Variants in PTPRB observed in about 807,000 individuals in gnomAD.
PTPRB encodes receptor-type tyrosine-protein phosphatase beta.
PTPRB carries 97 observed loss-of-function variants against 238.1 expected under a neutral mutation model. The observed-to-expected ratio is 0.41, with a 90% CI of 0.35 to 0.48. The LOEUF is 0.48. Among genes scored for constraint, PTPRB ranks in the 20% least tolerant of loss-of-function variants. The pLI, the probability that PTPRB is intolerant of heterozygous loss-of-function variation, is 0.30. For synonymous variants in PTPRB, 970 were observed against 995.4 expected (o/e 0.97, Z 0.48); for missense variants, 2,292 against 2,681.9 (o/e 0.85, Z 3.21).
intron 3 of PTPRB, among the ~76,000 whole-genome samples, chr12:70,610,278 G>A (rs370976812): frequency 7.2e-5 from 11 of 152,128 alleles, no homozygotes; most frequent in East Asian, 1.9e-4. Flanking sequence ...CGGCTCCGCG[G>A]GGCTCTGCCT....
intron 32 of PTPRB, among the ~76,000 whole-genome samples, chr12:70,524,893 GTGTA>G (rs1565897134): frequency 1.1e-5 from 1 of 94,744 alleles, no homozygotes; most frequent in Non-Finnish European, 2.7e-5. Flanking sequence ...ATGTATATAT[GTGTA>G]TATATGTGTA....
chr12:70,532,396 A>ATAAG (rs1159167674), intron 31 of PTPRB, among the ~76,000 whole-genome samples: 1 of 137,966 alleles, frequency 7.2e-6, no homozygotes, highest in African/African-American at 2.7e-5. Flanking sequence ...TCTACCAGGG[A>ATAAG]TAAGTACTGC....
At chr12:70,591,967 G>T (rs1745885903) in intron 7 of PTPRB, 4 of 348,514 alleles carry the variant, frequency 1.1e-5, no homozygotes, top group Non-Finnish European at 2.1e-5. Flanking sequence ...ATGGTTAAAT[G>T]CTAACTGGTT....
intron 18 of PTPRB, among the ~76,000 whole-genome samples, chr12:70,557,054 C>T (rs1877792214): frequency 6.6e-6 from 1 of 152,178 alleles, no homozygotes; most frequent in Non-Finnish European, 1.5e-5. Context: ...TGTGGTGTGA[C>T]ACACAACTTT....
intron 18 of PTPRB, 175 bp downstream of exon 18, chr12:70,559,168 C>T (rs867461575): frequency 7.4e-6 from 5 of 677,448 alleles, no homozygotes; most frequent in South Asian, 1.8e-5. Flanking sequence ...ATTTATTGTC[C>T]CTTGTTGTTA....
chr12:70,596,507 C>T (rs1883043748), intron 4 of PTPRB, among the ~76,000 whole-genome samples, 180 bp from the exon 5 acceptor site: 1 of 151,508 alleles, frequency 6.6e-6, no homozygotes, highest in African/African-American at 2.4e-5. Flanking sequence ...CAAACCTACC[C>T]TTTCACTTTC....
At chr12:70,596,352 C>CAA (rs754642311) in intron 4 of PTPRB, 25 bp from the exon 5 acceptor site, 12 of 1,196,848 alleles carry the variant, frequency 1.0e-5, no homozygotes, top group Non-Finnish European at 1.0e-5. Flanking sequence ...CACACACACA[C>CAA]ACAAAAAAAA....
intron 3 of PTPRB, chr12:70,609,923 C>A: frequency 4.9e-6 from 5 of 1,023,380 alleles, no homozygotes; most frequent in Non-Finnish European, 6.6e-6. Flanking sequence ...GCCCCGTGGG[C>A]GCAGCGCGCT....
At chr12:70,551,566 G>T (rs1387115509) in intron 21 of PTPRB, among the ~76,000 whole-genome samples, 2 of 151,930 alleles carry the variant, frequency 1.3e-5, no homozygotes, top group Non-Finnish European at 2.9e-5. Context: ...TTTCTACTGA[G>T]ACCTAGGAGT....
intron 27 of PTPRB, 28 bp downstream of exon 27, chr12:70,538,894 CAG>C: frequency 3.9e-6 from 6 of 1,547,092 alleles, no homozygotes; most frequent in Non-Finnish European, 5.3e-6. Flanking sequence ...TAGAGGAAGA[CAG>C]TATTACAAAT....
At position 70,594,692 on chromosome 12, in the gene PTPRB, T is replaced by C. The variant is rs755999644; in HGVS notation, c.1291A>G (p.Thr431Ala). Residue 431 changes from threonine to alanine, a missense_variant, in exon 6 of 34, where the codon ACA becomes GCA. Transcript: ENST00000334414. ...GAAATCAGGAGAGAATTGGCTTTTG[T>C]GGAAATACCAATATCTTTCACTGGA... Reference protein sequence around the residue: ...PSPVKDIGISTKANSLLISWS... With the variant: ...PSPVKDIGISAKANSLLISWS... 6 of 1,613,998 alleles carry C rather than the reference T, an allele frequency of 3.7e-6. No individual in the cohort carries two copies. In the South Asian group the frequency reaches 6.6e-5, roughly 18 times the overall value.
Position 70,596,029 on chromosome 12 carries a change from A to G in PTPRB, c.1258+20T>C, listed in dbSNP as rs1565993867. On this transcript the variant is annotated intron_variant, in intron 5 of 33. Transcript: ENST00000334414. ...AAAGTATCCTATTAACTACTCAGCTATAAAATAAACAGGTCTTACCTGTTG... is the reference window on the plus strand; with the variant it reads ...AAAGTATCCTATTAACTACTCAGCTGTAAAATAAACAGGTCTTACCTGTTG... 1.3e-6 allele frequency: 2 copies of G among 1,539,922 alleles called. No homozygotes were observed. Among genetic ancestry groups the G allele is most frequent in the Non-Finnish European group, 1.8e-6 (2 of 1,135,604 alleles).
intron 2 of PTPRB, among the ~76,000 whole-genome samples, chr12:70,626,300 T>TATCTATCC (rs1252982861): frequency 2.0e-4 from 5 of 25,532 alleles, no homozygotes; most frequent in African/African-American, 8.5e-4. Flanking sequence ...TCCATCCATC[T>TATCTATCC]ATCTATCTAT....
rs1357062357 is a variant in PTPRB at position 70,560,881 on chromosome 12, G to T, written c.4222C>A (p.Leu1408Ile). ...GAGGCTGGACTCCAGTTGAACCAAAGGCTGTCTGTCGTGTTCCGATTGGAC... is the reference window on the plus strand; with the variant it reads ...GAGGCTGGACTCCAGTTGAACCAAATGCTGTCTGTCGTGTTCCGATTGGAC... Reference protein sequence around the residue: ...RGSNRNTTDSLWFNWSPASGD... With the variant: ...RGSNRNTTDSIWFNWSPASGD... Residue 1408 changes from leucine (L) to isoleucine (I), a missense_variant, in exon 17 of 34, where the codon CTT becomes ATT. Coordinates refer to ENST00000334414, the MANE Select transcript of PTPRB (RefSeq NM_001109754.4). The surrounding 1 kb of genome is among the most constrained non-coding windows in gnomAD (Gnocchi z 4.2). 6.2e-7 allele frequency: 1 copy of T among 1,613,688 alleles called. No homozygotes were observed. The highest frequency in any genetic ancestry group is 2.2e-5 in the East Asian group (1 of 44,874).
chr12:70,568,588 C>T (rs11178297), intron 14 of PTPRB, among the ~76,000 whole-genome samples: 33,297 of 152,070 alleles, frequency 0.22, 4,103 homozygotes, highest in African/African-American at 0.33. Flanking sequence ...TGAGCTACCG[C>T]GCCTGGCCCG....
rs567779182 is a variant in PTPRB, at chr12:70,547,929, C to T, written c.5388-3266G>A. ...AGCTAGGAGAGAGTCCATGTCTTCT[C>T]GAAGATCACACAGAAAGATATGAAC... On this transcript the variant is annotated intron_variant, in intron 21 of 33. Coordinates refer to ENST00000334414, the MANE Select transcript of PTPRB (RefSeq NM_001109754.4). Among the ~76,000 whole-genome samples the T allele has an allele frequency of 1.2e-4, 18 of 152,160 alleles. 1 individual carries two copies. In the South Asian group the frequency reaches 3.3e-3, roughly 28 times the overall value.
chr12:70,528,301 A>T (rs1872692158), intron 32 of PTPRB, among the ~76,000 whole-genome samples: 1 of 152,110 alleles, frequency 6.6e-6, no homozygotes, highest in African/African-American at 2.4e-5. Flanking sequence ...AGAAGCTTGT[A>T]CCCAGGATGA....
In PTPRB at chr12:70,559,589, T is replaced by C. The variant is rs113791087; in HGVS notation, c.4468A>G (p.Ile1490Val). The C allele has an allele frequency of 6.2e-7, 1 of 1,612,850 alleles. No homozygotes were observed. The highest frequency in any genetic ancestry group is 8.5e-7 in the Non-Finnish European group (1 of 1,178,844). Reference protein sequence around the residue: ...SPPSLMSFADIANTSLAITWK... With the variant: ...SPPSLMSFADVANTSLAITWK... ...GTGATGGCCAAGGATGTGTTTGCAA[T>C]GTCAGCAAATGACATAAGACTGGGA... The change falls in exon 18 of 34, where the codon ATT (isoleucine) becomes GTT (valine). Residue 1490 changes from isoleucine to valine, a missense_variant. Coordinates refer to ENST00000334414, the MANE Select transcript of PTPRB (RefSeq NM_001109754.4).
intron 3 of PTPRB, among the ~76,000 whole-genome samples, chr12:70,617,625 C>T (rs1032751307): frequency 2.6e-5 from 4 of 152,158 alleles, no homozygotes; most frequent in Admixed American, 2.0e-4. Context: ...TTAAGTGACC[C>T]CAATATAGGA....
Sources: gnomAD v4.1 joint callset for allele counts (sites outside exome capture counted in the v4.1 genomes callset) on GRCh38, gnomAD v4.1.1 for gene constraint, Gnocchi (gnomAD v3.1) non-coding constraint, MANE v1.5 for transcripts, NCBI Gene and HGNC (gene_info 2026-07-23, HGNC 2026-07-21) for gene names.